The following EYS variants were observed in gnomAD, a reference collection of about 807,000 sequenced individuals.
EYS encodes the protein protein eyes shut homolog.
EYS carries 250 observed loss-of-function variants against 282.1 expected under a neutral mutation model. The observed-to-expected ratio is 0.89, with a 90% CI of 0.80 to 0.98. The LOEUF (loss-of-function observed/expected upper bound fraction) is 0.98, where lower values mean the gene tolerates loss of function less well. Among genes scored for constraint, EYS ranks in the 50% least tolerant of loss-of-function variants. EYS has a pLI of 0.00. For missense variants in EYS, 4,016 were observed against 3,709.0 expected, an observed-to-expected ratio of 1.08 and a Z score of -2.15; for synonymous variants, 1,355 against 1,282.9, an observed-to-expected ratio of 1.06 and a Z score of -1.20.
intron 13 of EYS, among the ~76,000 whole-genome samples, chr6:65,029,306 G>T (rs758002120): frequency 6.6e-6 from 1 of 150,956 alleles, no homozygotes; most frequent in Non-Finnish European, 1.5e-5. Context: ...TGCATGTGTG[G>T]GTATGTATGC....
At chr6:64,234,061 A>G (rs555120497) in intron 30 of EYS, among the ~76,000 whole-genome samples, 2 of 152,268 alleles carry the variant, frequency 1.3e-5, no homozygotes, top group Admixed American at 6.6e-5. Flanking sequence ...CAAGTACAGA[A>G]GTAGGATCAT....
chr6:64,789,356 T>C (rs923351070), intron 22 of EYS, among the ~76,000 whole-genome samples: 3 of 152,174 alleles, frequency 2.0e-5, no homozygotes, highest in African/African-American at 7.2e-5. Flanking sequence ...CTTCTGCCTT[T>C]CTTAACCAGA....
chr6:64,444,075 A>T (rs1299372138), intron 26 of EYS, among the ~76,000 whole-genome samples: 1 of 151,426 alleles, frequency 6.6e-6, no homozygotes, highest in African/African-American at 2.4e-5. Flanking sequence ...CACCATGACA[A>T]TGCTCCTGCT....
chr6:65,470,825 C>A (rs1176249544), intron 5 of EYS, among the ~76,000 whole-genome samples: 2 of 152,004 alleles, frequency 1.3e-5, no homozygotes, highest in Non-Finnish European at 2.9e-5. Flanking sequence ...GCCAAAGTCA[C>A]TTAAGAAGAT....
chr6:64,711,040 T>G (rs1388773720), intron 22 of EYS, among the ~76,000 whole-genome samples: 1 of 152,130 alleles, frequency 6.6e-6, no homozygotes, highest in African/African-American at 2.4e-5. Context: ...GCTACGGAGA[T>G]TTTTGCAGAA....
rs1198293786 is a variant in EYS, at chr6:65,061,671, C to T, written c.2024-3944G>A. On this transcript the variant is annotated intron_variant, in intron 12 of 42. Transcript: ENST00000503581. ...ACACACATACACACACACACATATA[C>T]ATTTAAATTAGTTTTCCTTTTAATT... Among the ~76,000 whole-genome samples, 6 of 151,846 alleles carry T rather than the reference C, an allele frequency of 4.0e-5. No homozygotes were observed. In the East Asian group the frequency reaches 9.7e-4, roughly 24 times the overall value.
chr6:63,789,669 A>G (rs555820233), intron 37 of EYS, among the ~76,000 whole-genome samples: 1 of 152,364 alleles, frequency 6.6e-6, no homozygotes, highest in South Asian at 2.1e-4. Flanking sequence ...ATTTATTCCT[A>G]TGATTGCTAA....
chr6:63,808,547 T>C (rs527552493), intron 36 of EYS, among the ~76,000 whole-genome samples: 3 of 152,122 alleles, frequency 2.0e-5, no homozygotes, highest in Non-Finnish European at 4.4e-5. Context: ...ATTAAGCTTA[T>C]GCAGAAATCT....
At position 63,749,018 on chromosome 6, in the gene EYS, C is replaced by T. The variant is rs114467582; in HGVS notation, c.8071+13443G>A. On this transcript the variant is annotated intron_variant, in intron 41 of 42. Coordinates refer to ENST00000503581, the MANE Select transcript of EYS (RefSeq NM_001142800.2). ...CTCTGATTTTGGTTATTTCTTTCTT[C>T]TGCTAGCTTTGGGCTTGATTTGCTC... is the stretch of plus-strand genomic sequence containing the variant. Among the ~76,000 whole-genome samples, 448 of 152,198 alleles carry T rather than the reference C, an allele frequency of 2.9e-3. 2 individuals carry two copies. Among genetic ancestry groups the T allele is most frequent in the African/African-American group, 0.01 (420 of 41,540 alleles).
At chr6:63,733,975 C>T (rs988311960) in intron 41 of EYS, among the ~76,000 whole-genome samples, 2 of 151,998 alleles carry the variant, frequency 1.3e-5, no homozygotes, top group African/African-American at 2.4e-5. Flanking sequence ...ACAGCCAGTA[C>T]CTTTAATCAG....
intron 2 of EYS, among the ~76,000 whole-genome samples, chr6:65,639,532 C>A (rs1219542121): frequency 6.6e-6 from 1 of 151,892 alleles, no homozygotes; most frequent in East Asian, 1.9e-4. Flanking sequence ...ATGTGAAAAC[C>A]CATAGAATTG....
chr6:65,353,466 C>T lies in EYS; in HGVS notation c.1451G>A (p.Gly484Glu), dbSNP rs372391247. 6.2e-7 allele frequency: 1 copy of T among 1,612,742 alleles called. No individual in the cohort carries two copies. The highest frequency in any genetic ancestry group is 1.3e-5 in the African/African-American group (1 of 74,842). Residue 484 changes from glycine (G) to glutamate (E), a missense_variant, in exon 9 of 43, where the codon GGA becomes GAA. Coordinates refer to ENST00000503581, the MANE Select transcript of EYS (RefSeq NM_001142800.2). ...TTACATAAATTTGTTACCTGCAAAT[C>T]CCAATTGCCACACATATTCAAATTG... ...PAQFEYVWQL[G>E]FAGSEGEKCQ...
intron 9 of EYS, among the ~76,000 whole-genome samples, chr6:65,345,782 T>C (rs541644921): frequency 1.3e-5 from 2 of 151,224 alleles, no homozygotes; most frequent in South Asian, 2.1e-4. Context: ...ACAAACGTTT[T>C]AACCCACAAA....
rs578043593 is a variant in EYS, at chr6:65,245,609, C to A, written c.2023+50254G>T. On this transcript the variant is annotated intron_variant, in intron 12 of 42. Transcript: ENST00000503581. ...TGTGCGTTTCCCTGAACTAGGTTTT[C>A]AGGATAACAAAATCTGTTGTTTTTC... Among the ~76,000 whole-genome samples the A allele has an allele frequency of 1.1e-4, 16 of 151,896 alleles. 1 individual carries two copies. In the South Asian group the frequency reaches 3.3e-3, roughly 31 times the overall value.
intron 2 of EYS, among the ~76,000 whole-genome samples, chr6:65,543,172 C>G (rs1332121032): frequency 6.6e-6 from 1 of 151,742 alleles, no homozygotes; most frequent in African/African-American, 2.4e-5. Context: ...GCACTTGCCA[C>G]CATGCCGGGC....
chr6:65,640,761 TAC>T (rs1186052914), intron 1 of EYS, among the ~76,000 whole-genome samples: 4 of 152,252 alleles, frequency 2.6e-5, no homozygotes, highest in Non-Finnish European at 5.9e-5. Context: ...TTTGATGAGG[TAC>T]AGTTTCATTA....
In EYS at chr6:64,938,781, C is replaced by A. The variant is rs187836343; in HGVS notation, c.2381+7012G>T. Among the ~76,000 whole-genome samples the A allele has an allele frequency of 2.4e-3, 369 of 151,748 alleles. 5 individuals carry two copies. Among genetic ancestry groups the A allele is most frequent in the African/African-American group, 8.6e-3 (358 of 41,502 alleles). ...ATATTAAATACTTACAAGTACATTT[C>A]CAACTTACAATTTTTGTCAATATAC... On this transcript the variant is annotated intron_variant, in intron 15 of 42. Transcript: ENST00000503581.
intron 26 of EYS, among the ~76,000 whole-genome samples, chr6:64,530,158 A>G (rs1764281298): frequency 6.6e-6 from 1 of 152,166 alleles, no homozygotes; most frequent in South Asian, 2.1e-4. Context: ...TGGCTGCTTC[A>G]GTATAATTAT....
intron 28 of EYS, among the ~76,000 whole-genome samples, chr6:64,428,811 A>G (rs576907717): frequency 1.3e-5 from 2 of 152,294 alleles, no homozygotes; most frequent in East Asian, 3.9e-4. Flanking sequence ...ATTTTTGCTG[A>G]AAGAATAAGA....
Sources: gnomAD v4.1 joint callset for allele counts (sites outside exome capture counted in the v4.1 genomes callset) on GRCh38, gnomAD v4.1.1 for gene constraint, MANE v1.5 for transcripts, NCBI Gene and HGNC (gene_info 2026-07-23, HGNC 2026-07-21) for gene names.